The following LRRK1 variants were observed in gnomAD, a reference collection of about 807,000 sequenced individuals.
The protein encoded by LRRK1 is leucine rich repeat kinase 1.
A neutral mutation model predicts 209.1 loss-of-function variants in LRRK1; 113 were observed. That is an observed-to-expected ratio of 0.54 (90% CI 0.46 to 0.63). LRRK1 has a LOEUF of 0.63. LRRK1 is among the 30% of genes least tolerant of loss of function. The pLI is 0.00. For synonymous variants in LRRK1, 1,144 were observed against 1,099.7 expected (o/e 1.04, Z -0.80); for missense variants, 2,284 against 2,632.2 (o/e 0.87, Z 2.89).
chr15:100,961,173 A>G (rs1162746948), intron 2 of LRRK1, among the ~76,000 whole-genome samples: 1 of 152,156 alleles, frequency 6.6e-6, no homozygotes, highest in East Asian at 1.9e-4. Context: ...CGGGCATCAC[A>G]TGGCAAAGGG....
Position 101,010,783 on chromosome 15 carries a change from G to T in LRRK1, c.1227G>T (p.Leu409=), listed in dbSNP as rs2033197447. 6 of 1,613,614 alleles carry T rather than the reference G, an allele frequency of 3.7e-6. No homozygotes were observed. The highest frequency in any genetic ancestry group is 3.3e-5 in the Admixed American group (2 of 59,948). ...FLHSFKSLNS[L]NVSRNNLKVF... Reference sequence around the variant, plus strand: ...ACTCTTTCAAGTCCCTCAATTCTCTGAATGTCTCCAGAAACAACCTGAAGG... The same window carrying T: ...ACTCTTTCAAGTCCCTCAATTCTCTTAATGTCTCCAGAAACAACCTGAAGG... Residue 409 remains leucine (L), a synonymous_variant, in exon 9 of 34, where the codon CTG becomes CTT. Coordinates refer to ENST00000388948, the MANE Select transcript of LRRK1 (RefSeq NM_024652.6).
chr15:101,031,002 G>C (rs569202910), intron 20 of LRRK1, among the ~76,000 whole-genome samples: 2 of 152,252 alleles, frequency 1.3e-5, no homozygotes, highest in African/African-American at 2.4e-5. Flanking sequence ...GAGAACATAC[G>C]ATGTTGGGTT....
At position 100,944,059 on chromosome 15, in the gene LRRK1, G is replaced by A. The variant is rs1369813757; in HGVS notation, c.97+19330G>A. ...ACAGGTCAGAGAAAAATCATGAAGC[G>A]GGGCTGTTAGTGAGGTTTGGGTGGG... is the stretch of plus-strand genomic sequence containing the variant. On this transcript the variant is annotated intron_variant, in intron 2 of 33. Transcript: ENST00000388948. Among the ~76,000 whole-genome samples, 5 of 152,084 alleles carry A rather than the reference G, an allele frequency of 3.3e-5. No homozygotes were observed. In the East Asian group the frequency reaches 9.6e-4, roughly 29 times the overall value.
At position 100,933,821 on chromosome 15, in the gene LRRK1, C is replaced by CAAA. The variant is rs67129854; in HGVS notation, c.97+9122_97+9124dup. ...TGGGCCACAGTGCCAGACTCCATCT[C>CAAA]AAAAAAAAAAAAAAAAAAAAAAAAA... On this transcript the variant is annotated intron_variant, in intron 2 of 33. Coordinates refer to ENST00000388948, the MANE Select transcript of LRRK1 (RefSeq NM_024652.6). 2.1e-3 allele frequency among the ~76,000 whole-genome samples: 89 copies of CAAA among 42,870 alleles called. 3 individuals carry two copies. Among genetic ancestry groups the CAAA allele is most frequent in the Middle Eastern group, 0.026 (1 of 38 alleles). The allele number at this position is 42,870 out of a possible 152,430, so 28.1% of individuals were successfully genotyped here.
Position 101,013,988 on chromosome 15 carries a change from C to G in LRRK1, c.1420-328C>G, listed in dbSNP as rs138119601. ...TCCTCCAAACCATCAGAGTCTGGCA[C>G]TTTCCCCAGAGAGACACACCGGTAA... is the stretch of plus-strand genomic sequence containing the variant. On this transcript the variant is annotated intron_variant, in intron 10 of 33. Transcript: ENST00000388948. Among the ~76,000 whole-genome samples the G allele has an allele frequency of 8.1e-4, 123 of 152,290 alleles. 1 individual carries two copies. The highest frequency in any genetic ancestry group is 2.8e-3 in the African/African-American group (117 of 41,578).
At chr15:100,994,631 C>T (rs565622115) in intron 6 of LRRK1, among the ~76,000 whole-genome samples, 17 of 152,320 alleles carry the variant, frequency 1.1e-4, no homozygotes, top group Non-Finnish European at 2.1e-4. Flanking sequence ...GGTGCTTTTC[C>T]TCTAACTGGC....
chr15:100,971,826 C>G (rs2030903975), intron 2 of LRRK1, among the ~76,000 whole-genome samples: 1 of 152,174 alleles, frequency 6.6e-6, no homozygotes, highest in Admixed American at 6.5e-5. Flanking sequence ...TCCCATTTTT[C>G]CAGTCTTTGC....
At position 100,930,215 on chromosome 15, in the gene LRRK1, T is replaced by C. The variant is rs75581173; in HGVS notation, c.97+5486T>C. Among the ~76,000 whole-genome samples, 835 of 152,210 alleles carry C rather than the reference T, an allele frequency of 5.5e-3. 9 individuals are homozygous for C. The highest frequency in any genetic ancestry group is 0.019 in the African/African-American group (803 of 41,522). On this transcript the variant is annotated intron_variant, in intron 2 of 33. Coordinates refer to ENST00000388948, the MANE Select transcript of LRRK1 (RefSeq NM_024652.6). ...GAATCCCTTAACCCATTTCTTGGAG[T>C]CACTAAAAGCAGATGTGTTGCCCTC...
chr15:101,057,777 T>G (rs767255057), intron 28 of LRRK1, among the ~76,000 whole-genome samples: 1 of 152,238 alleles, frequency 6.6e-6, no homozygotes, highest in Admixed American at 6.5e-5. Flanking sequence ...CCTGACCAGA[T>G]GAGCTTAAAT....
At chr15:101,046,220 G>C in intron 21 of LRRK1, 68 bp downstream of exon 21, 1 of 1,521,198 alleles carries the variant, frequency 6.6e-7, no homozygotes. Context: ...CACTGGGGGA[G>C]GGGAATGCCC....
intron 6 of LRRK1, 36 bp downstream of exon 6, chr15:100,989,434 C>G: frequency 1.2e-6 from 2 of 1,606,974 alleles, no homozygotes; most frequent in Admixed American, 1.7e-5. Flanking sequence ...TGTTTTAGTT[C>G]CTTTTGTGCT....
intron 2 of LRRK1, among the ~76,000 whole-genome samples, chr15:100,940,943 T>G (rs1038378829): frequency 1.2e-4 from 18 of 152,200 alleles, no homozygotes; most frequent in African/African-American, 4.1e-4. Flanking sequence ...GGCTAGACCC[T>G]GCCTTGCAGA....
At chr15:100,948,119 C>T (rs571852375) in intron 2 of LRRK1, among the ~76,000 whole-genome samples, 3 of 152,340 alleles carry the variant, frequency 2.0e-5, no homozygotes, top group Middle Eastern at 6.8e-3. Flanking sequence ...TCTTAAACCT[C>T]GTTCTCTCAA....
intron 29 of LRRK1, among the ~76,000 whole-genome samples, chr15:101,058,637 G>T (rs2035966323): frequency 9.6e-6 from 1 of 104,644 alleles, no homozygotes; most frequent in Non-Finnish European, 1.8e-5. Context: ...CGTCTAAACA[G>T]AGTTGGGGTT....
In LRRK1 at chr15:100,973,931, G is replaced by A. The variant is rs2031129812; in HGVS notation, c.225G>A (p.Glu75=). The A allele has an allele frequency of 7.9e-6, 10 of 1,263,016 alleles. 1 individual carries two copies. The East Asian group carries it at 2.8e-4, about 36-fold the overall frequency. 78.2% of individuals were successfully genotyped at this position (1,263,016 alleles called of 1,614,324 possible). The part of the protein sequence containing the change: ...GDRGGARDLL[E]EACDQCASQL... ...GCGGCGGCGCCCGGGACCTGCTGGA[G>A]GAGGCCTGCGACCAGTGCGCGTCCC... The change falls in exon 3 of 34, where the codon GAG becomes GAA. Residue 75 remains glutamate, a synonymous_variant. Coordinates refer to ENST00000388948, the MANE Select transcript of LRRK1 (RefSeq NM_024652.6).
chr15:100,968,691 TTTCC>T (rs60466078), intron 2 of LRRK1, among the ~76,000 whole-genome samples: 32,379 of 133,802 alleles, frequency 0.24, 4,480 homozygotes, highest in East Asian at 0.5. Flanking sequence ...TCTTTCTTTC[TTTCC>T]TTCCTTCCTT....
At chr15:100,953,211 G>C (rs928440873) in intron 2 of LRRK1, among the ~76,000 whole-genome samples, 3 of 151,948 alleles carry the variant, frequency 2.0e-5, no homozygotes, top group African/African-American at 7.3e-5. Context: ...TACTCAACAG[G>C]CTGTACATTA....
chr15:101,004,792 G>C (rs2032865438), intron 6 of LRRK1, among the ~76,000 whole-genome samples: 1 of 152,250 alleles, frequency 6.6e-6, no homozygotes, highest in Admixed American at 6.5e-5. Context: ...TGGAGGAGGT[G>C]CTGAGAGGGA....
chr15:101,056,307 G>A (rs979749130), intron 27 of LRRK1, among the ~76,000 whole-genome samples: 2 of 152,200 alleles, frequency 1.3e-5, no homozygotes, highest in African/African-American at 4.8e-5. Flanking sequence ...ATTAAGCTGA[G>A]GGTGTGTGTT....
Sources: allele counts gnomAD v4.1 joint callset (sites outside exome capture counted in the v4.1 genomes callset), GRCh38; gene constraint gnomAD v4.1.1; transcripts MANE v1.5; gene names NCBI Gene and HGNC (gene_info 2026-07-23, HGNC 2026-07-21).